Variants in LRP1B observed in about 807,000 individuals in gnomAD.
LRP1B encodes low-density lipoprotein receptor-related protein 1B.
In LRP1B, 217 loss-of-function variants were observed where a neutral mutation model predicts 556.6. That is an observed-to-expected ratio of 0.39 (90% CI 0.35 to 0.44). LRP1B has a LOEUF of 0.44. Among genes scored for constraint, LRP1B ranks in the 20% least tolerant of loss-of-function variants. The pLI, the probability that LRP1B is intolerant of heterozygous loss-of-function variation, is 1.00. For synonymous variants in LRP1B, 2,047 were observed against 1,865.8 expected (o/e 1.10, Z -2.50); for missense variants, 5,053 against 5,620.8 (o/e 0.90, Z 3.23).
intron 43 of LRP1B, among the ~76,000 whole-genome samples, chr2:140,563,445 A>C (rs1681011703): frequency 6.6e-6 from 1 of 152,038 alleles, no homozygotes; most frequent in Admixed American, 6.6e-5. Context: ...GCATTACTTT[A>C]GAAGGCAAAA....
chr2:141,016,337 G>A (rs531987275), intron 12 of LRP1B, among the ~76,000 whole-genome samples: 31 of 151,986 alleles, frequency 2.0e-4, no homozygotes, highest in Non-Finnish European at 4.4e-4. Context: ...GAGAACCCAC[G>A]GCACAGTTAA....
intron 80 of LRP1B, among the ~76,000 whole-genome samples, chr2:140,325,056 GATA>G (rs1234739678): frequency 6.6e-6 from 1 of 152,036 alleles, no homozygotes; most frequent in Non-Finnish European, 1.5e-5. Context: ...AAGTGGATAT[GATA>G]ATTTGTGGTT....
chr2:142,085,654 CGTGT>C (rs1281785871), intron 1 of LRP1B, among the ~76,000 whole-genome samples: 5 of 151,930 alleles, frequency 3.3e-5, no homozygotes, highest in African/African-American at 9.7e-5. Context: ...TGTCCATCTT[CGTGT>C]GTGTGTATGT....
At chr2:141,064,335 G>A (rs996093403) in intron 7 of LRP1B, among the ~76,000 whole-genome samples, 2 of 151,958 alleles carry the variant, frequency 1.3e-5, no homozygotes, top group South Asian at 4.1e-4. Flanking sequence ...TATGGAGGAA[G>A]AGTATAAACC....
chr2:140,432,490 CTG>C (rs1685994196), intron 66 of LRP1B, among the ~76,000 whole-genome samples: 1 of 152,170 alleles, frequency 6.6e-6, no homozygotes. Flanking sequence ...TCTTGTGCCT[CTG>C]TGATTTCCTA....
intron 3 of LRP1B, among the ~76,000 whole-genome samples, chr2:141,464,598 A>AT (rs199589153): frequency 0.17 from 12,706 of 73,246 alleles, 1,203 homozygotes; most frequent in Middle Eastern, 0.26. Flanking sequence ...ATATATATAT[A>AT]TATATATATT....
chr2:141,884,999 T>G (rs191682873), intron 1 of LRP1B, among the ~76,000 whole-genome samples: 1 of 152,358 alleles, frequency 6.6e-6, no homozygotes, highest in Admixed American at 6.5e-5. Flanking sequence ...CTATGGTAGA[T>G]ATCTCATTAT....
intron 1 of LRP1B, among the ~76,000 whole-genome samples, chr2:141,875,513 G>A (rs1170877975): frequency 6.6e-6 from 1 of 151,748 alleles, no homozygotes; most frequent in Admixed American, 6.6e-5. Context: ...ACATCTTACA[G>A]TATTTCTGAA....
At chr2:141,713,346 A>T (rs1692439728) in intron 2 of LRP1B, among the ~76,000 whole-genome samples, 1 of 152,196 alleles carries the variant, frequency 6.6e-6, no homozygotes, top group Non-Finnish European at 1.5e-5. Flanking sequence ...TTAAGTTTAT[A>T]TGTATTTTAA....
intron 83 of LRP1B, among the ~76,000 whole-genome samples, chr2:140,306,921 A>G (rs1213051427): frequency 1.3e-5 from 2 of 152,076 alleles, no homozygotes; most frequent in African/African-American, 2.4e-5. Context: ...TGTACCCAGT[A>G]GTCATTCAGG....
At chr2:140,779,854 AAGTTAAGCT>A (rs1488328010) in intron 32 of LRP1B, among the ~76,000 whole-genome samples, 1 of 151,554 alleles carries the variant, frequency 6.6e-6, no homozygotes, top group African/African-American at 2.4e-5. Context: ...CAGAAACTGA[AAGTTAAGCT>A]GGAACAAAAT....
rs571198062 is a variant in LRP1B, at chr2:141,614,037, C to A, written c.206-133504G>T. ...GTCATGAGCTGAGATCCAGCCATTG[C>A]ACTCCACACTCCAGCCTGGGCGATA... On this transcript the variant is annotated intron_variant, in intron 2 of 90. Transcript: ENST00000389484. Among the ~76,000 whole-genome samples the A allele has an allele frequency of 4.9e-4, 61 of 125,200 alleles. 1 individual carries two copies. In the Middle Eastern group the frequency reaches 0.024, roughly 48 times the overall value. 82.1% of individuals were successfully genotyped at this position (125,200 alleles called of 152,430 possible).
intron 1 of LRP1B, among the ~76,000 whole-genome samples, chr2:141,820,035 TA>T (rs1282938889): frequency 6.6e-6 from 1 of 152,148 alleles, no homozygotes; most frequent in Non-Finnish European, 1.5e-5. Flanking sequence ...AGTTAATCAG[TA>T]AGATAAAATT....
At chr2:141,643,853 C>T (rs1689438763) in intron 2 of LRP1B, among the ~76,000 whole-genome samples, 2 of 152,070 alleles carry the variant, frequency 1.3e-5, no homozygotes, top group South Asian at 4.1e-4. Flanking sequence ...TTCTTAGCAG[C>T]ATTGTGTGCA....
intron 6 of LRP1B, among the ~76,000 whole-genome samples, chr2:141,214,701 T>C (rs2105261213): frequency 6.6e-6 from 1 of 152,306 alleles, no homozygotes; most frequent in Non-Finnish European, 1.5e-5. Context: ...AAGCTGTTCC[T>C]ATGTTCATTG....
At chr2:141,567,710 T>C (rs982630043) in intron 2 of LRP1B, among the ~76,000 whole-genome samples, 3 of 151,512 alleles carry the variant, frequency 2.0e-5, no homozygotes, top group Non-Finnish European at 4.4e-5. Context: ...AATCTGCTTA[T>C]GAACTCTTTC....
At chr2:140,810,777 C>A (rs1690891086) in intron 32 of LRP1B, among the ~76,000 whole-genome samples, 1 of 152,118 alleles carries the variant, frequency 6.6e-6, no homozygotes, top group Non-Finnish European at 1.5e-5. Context: ...TGCACTGTTG[C>A]CCAGGCTAGA....
At chr2:142,013,910 T>C (rs553508714) in intron 1 of LRP1B, among the ~76,000 whole-genome samples, 44 of 152,294 alleles carry the variant, frequency 2.9e-4, no homozygotes, top group Middle Eastern at 3.4e-3. Context: ...AATGAATTAA[T>C]GTTTACTAAA....
At chr2:141,446,957 A>G (rs1444424365) in intron 3 of LRP1B, among the ~76,000 whole-genome samples, 1 of 152,054 alleles carries the variant, frequency 6.6e-6, no homozygotes, top group Non-Finnish European at 1.5e-5. Flanking sequence ...GAATGTTGGC[A>G]TGACATGCTA....
Sources: gnomAD v4.1 joint callset for allele counts (sites outside exome capture counted in the v4.1 genomes callset) on GRCh38, gnomAD v4.1.1 for gene constraint, MANE v1.5 for transcripts, NCBI Gene and HGNC (gene_info 2026-07-23, HGNC 2026-07-21) for gene names.